Variants in CSMD1 observed in about 807,000 individuals in gnomAD.
CSMD1 encodes the protein CUB and sushi domain-containing protein 1.
In CSMD1, 213 loss-of-function variants were observed where a neutral mutation model predicts 417.5. That is an observed-to-expected ratio of 0.51 (90% CI 0.46 to 0.57). The LOEUF (loss-of-function observed/expected upper bound fraction) is 0.57. Ranked by LOEUF, CSMD1 falls within the 20% of genes least tolerant of loss-of-function variation. The pLI, the probability that CSMD1 is intolerant of heterozygous loss-of-function variation, is 0.00. For missense variants in CSMD1, 6,923 were observed against 4,529.7 expected (o/e 1.53, Z -15.17); for synonymous variants, 2,862 against 1,736.8 (o/e 1.65, Z -16.11).
At chr8:4,898,868 G>C (rs1225446249) in intron 1 of CSMD1, among the ~76,000 whole-genome samples, 1 of 152,092 alleles carries the variant, frequency 6.6e-6, no homozygotes, top group Non-Finnish European at 1.5e-5. Flanking sequence ...ATTTGTCTAA[G>C]TTTTAACATA....
intron 10 of CSMD1, among the ~76,000 whole-genome samples, chr8:3,527,763 T>C (rs1563123939): frequency 6.6e-6 from 1 of 152,202 alleles, no homozygotes; most frequent in Non-Finnish European, 1.5e-5. Context: ...TGTACTGTTT[T>C]ATTCAACCCT....
At chr8:4,023,661 A>T (rs1796902016) in intron 4 of CSMD1, among the ~76,000 whole-genome samples, 1 of 140,076 alleles carries the variant, frequency 7.1e-6, no homozygotes, top group African/African-American at 2.7e-5. Flanking sequence ...ATCTCGGCTC[A>T]CTGCAAGCTC....
chr8:3,552,357 G>C (rs1798953851), intron 10 of CSMD1, among the ~76,000 whole-genome samples: 1 of 151,878 alleles, frequency 6.6e-6, no homozygotes, highest in Non-Finnish European at 1.5e-5. Flanking sequence ...CTAAATTAAA[G>C]AAAACTAAAT....
At chr8:4,662,722 A>T (rs1804676920) in intron 1 of CSMD1, among the ~76,000 whole-genome samples, 1 of 152,176 alleles carries the variant, frequency 6.6e-6, no homozygotes. Context: ...TTACGCAATT[A>T]TTCGTCACAT....
intron 3 of CSMD1, among the ~76,000 whole-genome samples, chr8:4,040,392 G>A (rs1052025904): frequency 7.2e-5 from 11 of 152,136 alleles, no homozygotes; most frequent in South Asian, 6.2e-4. Flanking sequence ...AAAACATGCT[G>A]CAGGGAGATC....
chr8:4,350,853 C>G (rs371756182), intron 3 of CSMD1, among the ~76,000 whole-genome samples: 1 of 152,174 alleles, frequency 6.6e-6, no homozygotes, highest in Non-Finnish European at 1.5e-5. Context: ...CACTATCTGC[C>G]AGTGGCTCTA....
intron 1 of CSMD1, chr8:4,787,788 G>C (rs1316518257): frequency 5.1e-6 from 8 of 1,572,924 alleles, no homozygotes; most frequent in East Asian, 2.2e-5. Context: ...TTACAGGCCA[G>C]ACTGAATTGG....
chr8:3,992,037 G>C (rs1814788272), intron 5 of CSMD1, among the ~76,000 whole-genome samples: 1 of 151,938 alleles, frequency 6.6e-6, no homozygotes, highest in Non-Finnish European at 1.5e-5. Context: ...AGGGGTTTAT[G>C]AATAGAGCTA....
chr8:4,166,479 A>C (rs1034929937), intron 3 of CSMD1, among the ~76,000 whole-genome samples: 5 of 152,228 alleles, frequency 3.3e-5, no homozygotes, highest in African/African-American at 9.6e-5. Flanking sequence ...GTTGGAGGCC[A>C]TTACCCTAAG....
intron 1 of CSMD1, among the ~76,000 whole-genome samples, chr8:4,826,236 A>C (rs1799818224): frequency 6.6e-6 from 1 of 152,080 alleles, no homozygotes; most frequent in Non-Finnish European, 1.5e-5. Context: ...AAGCAACCTA[A>C]ATATCCATTG....
chr8:4,474,665 C>T lies in CSMD1; in HGVS notation c.303-54600G>A, dbSNP rs78799120. ...ACAGAGTAAACTCTTACACAGTTGACGTTGAACAACAACGTGGATCTCAAC... is the reference window on the plus strand; with the variant it reads ...ACAGAGTAAACTCTTACACAGTTGATGTTGAACAACAACGTGGATCTCAAC... On this transcript the variant is annotated intron_variant, in intron 2 of 69. Coordinates refer to ENST00000635120, the MANE Select transcript of CSMD1 (RefSeq NM_033225.6). Among the ~76,000 whole-genome samples, 500 of 152,228 alleles carry T rather than the reference C, an allele frequency of 3.3e-3. 3 individuals are homozygous for T. Among genetic ancestry groups the T allele is most frequent in the African/African-American group, 6.8e-3 (282 of 41,532 alleles).
At chr8:3,771,551 T>C (rs1798576729) in intron 5 of CSMD1, among the ~76,000 whole-genome samples, 1 of 152,088 alleles carries the variant, frequency 6.6e-6, no homozygotes, top group African/African-American at 2.4e-5. Context: ...GCATCACCAT[T>C]GCAGAAACAC....
chr8:4,669,932 G>A (rs906353430), intron 1 of CSMD1, among the ~76,000 whole-genome samples: 10 of 152,068 alleles, frequency 6.6e-5, no homozygotes, highest in African/African-American at 2.4e-4. Context: ...CTTTATTTTT[G>A]AAAGTCATGA....
intron 12 of CSMD1, among the ~76,000 whole-genome samples, chr8:3,425,179 T>C (rs1813754079): frequency 6.6e-6 from 1 of 152,170 alleles, no homozygotes; most frequent in South Asian, 2.1e-4. Flanking sequence ...TCAATTAAAC[T>C]TTATCAGGAG....
At chr8:4,396,493 G>T (rs1804223822) in intron 3 of CSMD1, among the ~76,000 whole-genome samples, 1 of 151,972 alleles carries the variant, frequency 6.6e-6, no homozygotes, top group African/African-American at 2.4e-5. Flanking sequence ...AATTGCACTG[G>T]ATTTATCGAT....
intron 11 of CSMD1, among the ~76,000 whole-genome samples, chr8:3,478,820 G>C (rs973150347): frequency 4.6e-5 from 7 of 152,152 alleles, no homozygotes; most frequent in African/African-American, 1.7e-4. Context: ...AAATATCTAA[G>C]AAGGCAGAAC....
chr8:3,150,082 G>C (rs768725420), intron 40 of CSMD1, among the ~76,000 whole-genome samples: 1 of 152,214 alleles, frequency 6.6e-6, no homozygotes, highest in Non-Finnish European at 1.5e-5. Flanking sequence ...TGGGAGAACA[G>C]TGGAAGCAAC....
chr8:4,034,932 A>G (rs1563344654), intron 3 of CSMD1, among the ~76,000 whole-genome samples: 1 of 152,184 alleles, frequency 6.6e-6, no homozygotes, highest in Non-Finnish European at 1.5e-5. Context: ...CACACACGGA[A>G]AATGCAAATG....
chr8:3,989,426 G>C (rs1490485217), intron 5 of CSMD1, among the ~76,000 whole-genome samples: 3 of 152,204 alleles, frequency 2.0e-5, no homozygotes. Flanking sequence ...TCCAAGCTAG[G>C]TAAGAGCGGC....
Sources: gnomAD v4.1 joint callset for allele counts (sites outside exome capture counted in the v4.1 genomes callset) on GRCh38, gnomAD v4.1.1 for gene constraint, MANE v1.5 for transcripts, NCBI Gene and HGNC (gene_info 2026-07-23, HGNC 2026-07-21) for gene names.